Variants in LTBP1 observed in about 807,000 individuals in gnomAD.
LTBP1 encodes latent transforming growth factor beta binding protein 1, also known as latent-transforming growth factor beta-binding protein 1.
A neutral mutation model predicts 207.6 loss-of-function variants in LTBP1; 129 were observed. The observed-to-expected ratio is 0.62, with a 90% confidence interval of 0.54 to 0.72. The LOEUF (loss-of-function observed/expected upper bound fraction) is 0.72. LTBP1 is among the 30% of genes least tolerant of loss of function. The probability of loss-of-function intolerance (pLI) is 0.00; values close to 1 mark genes in which losing one functional copy is unlikely to be tolerated. For synonymous variants in LTBP1, 963 were observed against 833.7 expected (o/e 1.16, Z -2.67); for missense variants, 2,281 against 2,217.2 (o/e 1.03, Z -0.58).
chr2:33,060,093 G>A (rs1020105569), intron 3 of LTBP1, among the ~76,000 whole-genome samples: 1 of 152,090 alleles, frequency 6.6e-6, no homozygotes, highest in African/African-American at 2.4e-5. Context: ...CTGTGCACAT[G>A]GACCTATTTT....
intron 19 of LTBP1, among the ~76,000 whole-genome samples, chr2:33,281,554 G>C (rs146146680): frequency 1.3e-5 from 2 of 152,078 alleles, no homozygotes; most frequent in Non-Finnish European, 2.9e-5. Flanking sequence ...AAGACATTTA[G>C]GTGTTTTAAT....
chr2:33,134,866 C>T lies in LTBP1; in HGVS notation c.1107C>T (p.Ser369=). The T allele has an allele frequency of 6.2e-7, 1 of 1,614,162 alleles. No individual in the cohort carries two copies. The highest frequency in any genetic ancestry group is 8.5e-7 in the Non-Finnish European group (1 of 1,180,038). ...GTAAAGTGACCTGCACCAAGGGCAG[C>T]TGTCAGAACAGCTGTGAGAAGGGGA... ...SICKVTCTKG[S]CQNSCEKGNT... Residue 369 remains serine (S), a synonymous_variant, in exon 5 of 34, where the codon AGC becomes AGT. Coordinates refer to ENST00000404816, the MANE Select transcript of LTBP1 (RefSeq NM_206943.4). The surrounding 1 kb of genome is among the most constrained non-coding windows in gnomAD (Gnocchi z 4.4).
At chr2:33,396,926 T>C (rs539253510) in intron 32 of LTBP1, among the ~76,000 whole-genome samples, 9 of 152,360 alleles carry the variant, frequency 5.9e-5, no homozygotes, top group Admixed American at 5.9e-4. Flanking sequence ...AAAATGAGGC[T>C]ACTCTGCACA....
chr2:33,229,878 A>G (rs1328748178), intron 9 of LTBP1, among the ~76,000 whole-genome samples: 1 of 152,224 alleles, frequency 6.6e-6, no homozygotes, highest in African/African-American at 2.4e-5. Context: ...GTGAAGTAAC[A>G]CACAAAATTC....
At chr2:33,156,607 T>C (rs2083999244) in intron 5 of LTBP1, among the ~76,000 whole-genome samples, 1 of 152,208 alleles carries the variant, frequency 6.6e-6, no homozygotes, top group East Asian at 1.9e-4. Context: ...TGTCCATATA[T>C]AAGTATTATT....
chr2:33,361,906 TG>T (rs1311192363), intron 28 of LTBP1, among the ~76,000 whole-genome samples: 1 of 152,222 alleles, frequency 6.6e-6, no homozygotes, highest in Non-Finnish European at 1.5e-5. Flanking sequence ...ATTTGACCAC[TG>T]TTTGTCTTTA....
Position 33,389,319 on chromosome 2 carries a change from A to G in LTBP1, c.4834+13A>G, listed in dbSNP as rs780571348. 5.0e-6 allele frequency: 8 copies of G among 1,613,844 alleles called. No individual in the cohort carries two copies. Among genetic ancestry groups the G allele is most frequent in the Non-Finnish European group, 5.9e-6 (7 of 1,179,892 alleles). On this transcript the variant is annotated intron_variant, in intron 32 of 33. Coordinates refer to ENST00000404816, the MANE Select transcript of LTBP1 (RefSeq NM_206943.4). ...TTCATCCAAGACCGTAAGCAAAATA[A>G]CCTTGTTCCTTTGATACTAAGTTGT...
intron 5 of LTBP1, among the ~76,000 whole-genome samples, chr2:33,147,508 G>A (rs910048558): frequency 9.9e-5 from 15 of 152,284 alleles, no homozygotes; most frequent in Admixed American, 5.9e-4. Context: ...ATCAATTAAT[G>A]ATGTTTATTA....
chr2:33,057,565 C>T (rs2077064058), intron 3 of LTBP1, among the ~76,000 whole-genome samples: 1 of 152,218 alleles, frequency 6.6e-6, no homozygotes, highest in South Asian at 2.1e-4. Context: ...GGTACCGAGC[C>T]CTGCCCCACA....
intron 5 of LTBP1, among the ~76,000 whole-genome samples, chr2:33,162,764 T>C (rs2084577207): frequency 6.6e-6 from 1 of 152,132 alleles, no homozygotes; most frequent in Non-Finnish European, 1.5e-5. Context: ...GTTCTTTTCG[T>C]TAAAGGGAAT....
chr2:33,383,736 C>A (rs1379995399), intron 31 of LTBP1, among the ~76,000 whole-genome samples: 1 of 152,048 alleles, frequency 6.6e-6, no homozygotes, highest in Non-Finnish European at 1.5e-5. Flanking sequence ...AGAGTTTCAC[C>A]ATGTTGCCCA....
At chr2:33,075,705 TG>T (rs1473619910) in intron 3 of LTBP1, among the ~76,000 whole-genome samples, 1 of 152,196 alleles carries the variant, frequency 6.6e-6, no homozygotes, top group Non-Finnish European at 1.5e-5. Context: ...CCTACTTTAC[TG>T]GGTGTTATGT....
chr2:33,301,509 C>T lies in LTBP1; in HGVS notation c.3359-13C>T, dbSNP rs1045891878. 21 of 1,578,900 alleles carry T rather than the reference C, an allele frequency of 1.3e-5. No homozygotes were observed. Among genetic ancestry groups the T allele is most frequent in the Non-Finnish European group, 1.7e-5 (20 of 1,165,992 alleles). ...ACCACTTCCACAGTTTCTTTGTATTCTCTTGCTCATAGACATTGATGAATG... is the reference window on the plus strand; with the variant it reads ...ACCACTTCCACAGTTTCTTTGTATTTTCTTGCTCATAGACATTGATGAATG... On this transcript the variant is annotated splice_polypyrimidine_tract_variant and intron_variant, in intron 21 of 33. Transcript: ENST00000404816.
intron 2 of LTBP1, among the ~76,000 whole-genome samples, chr2:32,974,830 C>T (rs1244812994): frequency 3.9e-5 from 6 of 152,112 alleles, no homozygotes; most frequent in Admixed American, 6.5e-5. Flanking sequence ...CTTCTTTATC[C>T]GACTTCGTAC....
chr2:33,202,085 A>T (rs1056000323), intron 7 of LTBP1, among the ~76,000 whole-genome samples: 1 of 149,556 alleles, frequency 6.7e-6, no homozygotes, highest in Admixed American at 6.7e-5. Flanking sequence ...GGCCAAATAG[A>T]TATACTTAGC....
chr2:33,196,240 C>T (rs13408945), intron 7 of LTBP1, among the ~76,000 whole-genome samples: 12,143 of 152,020 alleles, frequency 0.08, 1,047 homozygotes, highest in African/African-American at 0.22. Context: ...GACTCTTGAG[C>T]GGTTCATATG....
intron 9 of LTBP1, among the ~76,000 whole-genome samples, chr2:33,241,036 A>G (rs1036344083): frequency 3.3e-5 from 5 of 152,250 alleles, no homozygotes; most frequent in Non-Finnish European, 7.3e-5. Flanking sequence ...TAAGATTGAT[A>G]TATTCTAGTG....
At chr2:33,158,069 G>T (rs1347957882) in intron 5 of LTBP1, among the ~76,000 whole-genome samples, 2 of 149,122 alleles carry the variant, frequency 1.3e-5, no homozygotes, top group East Asian at 4.1e-4. Context: ...CTGAGAGGCG[G>T]TGATTGCAGC....
At chr2:33,075,749 CTAAG>C (rs1406525153) in intron 3 of LTBP1, among the ~76,000 whole-genome samples, 3 of 152,140 alleles carry the variant, frequency 2.0e-5, no homozygotes, top group Non-Finnish European at 2.9e-5. Context: ...ATTTAATACT[CTAAG>C]TAAGTGATAT....
Sources: gnomAD v4.1 joint callset for allele counts (sites outside exome capture counted in the v4.1 genomes callset) on GRCh38, gnomAD v4.1.1 for gene constraint, Gnocchi (gnomAD v3.1) non-coding constraint, MANE v1.5 for transcripts, NCBI Gene and HGNC (gene_info 2026-07-23, HGNC 2026-07-21) for gene names.